NRXN1: variants seen among roughly 807,000 people sequenced by gnomAD.
NRXN1 encodes the protein neurexin-1.
Under a neutral mutation model 150.9 loss-of-function variants are expected in NRXN1, and 39 were observed. The ratio of observed to expected loss-of-function variants is 0.26; its 90% CI spans 0.20 to 0.34. NRXN1 has a LOEUF of 0.34. NRXN1 is among the 10% of genes least tolerant of loss of function. The pLI is 1.00. For synonymous variants in NRXN1, 924 were observed against 757.0 expected (o/e 1.22, Z -3.62); for missense variants, 1,815 against 1,949.9 (o/e 0.93, Z 1.30).
chr2:50,576,031 C>A (rs1358947920), intron 8 of NRXN1, among the ~76,000 whole-genome samples: 10 of 152,126 alleles, frequency 6.6e-5, no homozygotes, highest in Non-Finnish European at 1.3e-4. Flanking sequence ...GTGAAAAAGA[C>A]AGCAGGGAGG....
chr2:50,403,262 G>C (rs1401452970), intron 17 of NRXN1, among the ~76,000 whole-genome samples: 2 of 152,110 alleles, frequency 1.3e-5, no homozygotes, highest in African/African-American at 4.8e-5. Flanking sequence ...AGATTAAGGT[G>C]CTCCTTGTTT....
At chr2:50,146,671 A>G (rs928186762) in intron 18 of NRXN1, among the ~76,000 whole-genome samples, 3 of 151,714 alleles carry the variant, frequency 2.0e-5, no homozygotes, top group African/African-American at 7.2e-5. Context: ...TATTATACTT[A>G]GGCTAAAAAA....
chr2:50,230,591 T>C (rs2064846815), intron 18 of NRXN1, among the ~76,000 whole-genome samples: 1 of 151,934 alleles, frequency 6.6e-6, no homozygotes, highest in African/African-American at 2.4e-5. Flanking sequence ...AGCCTCTAAG[T>C]GGTAAGTATG....
intron 18 of NRXN1, among the ~76,000 whole-genome samples, chr2:50,158,251 C>A (rs1374384717): frequency 6.6e-6 from 1 of 151,620 alleles, no homozygotes; most frequent in Non-Finnish European, 1.5e-5. Flanking sequence ...GTGGAGCGTT[C>A]ATCAGAGCCC....
intron 21 of NRXN1, among the ~76,000 whole-genome samples, chr2:50,037,011 A>G (rs1335878990): frequency 1.3e-5 from 2 of 152,220 alleles, no homozygotes; most frequent in African/African-American, 4.8e-5. Flanking sequence ...TGCCATTTTA[A>G]GCAACTAAGT....
At chr2:49,926,718 G>C (rs1390474724) in intron 22 of NRXN1, among the ~76,000 whole-genome samples, 2 of 152,130 alleles carry the variant, frequency 1.3e-5, no homozygotes, top group Admixed American at 1.3e-4. Flanking sequence ...ACAACAACAG[G>C]AAAGGAAATC....
At chr2:50,362,229 A>G (rs959533767) in intron 17 of NRXN1, among the ~76,000 whole-genome samples, 2 of 152,178 alleles carry the variant, frequency 1.3e-5, no homozygotes, top group African/African-American at 4.8e-5. Context: ...TATTCAACAT[A>G]TTATTGGAAG....
intron 21 of NRXN1, among the ~76,000 whole-genome samples, chr2:49,987,225 G>C (rs1319617368): frequency 6.6e-6 from 1 of 151,728 alleles, no homozygotes; most frequent in African/African-American, 2.4e-5. Flanking sequence ...ATTTCAATGA[G>C]CTAAATTTCT....
intron 2 of NRXN1, among the ~76,000 whole-genome samples, chr2:50,951,689 T>C (rs1209544122): frequency 2.0e-5 from 3 of 152,030 alleles, no homozygotes; most frequent in Non-Finnish European, 2.9e-5. Flanking sequence ...TAGCTTCATA[T>C]TCATGCTTCT....
chr2:50,165,792 T>C (rs979050692), intron 18 of NRXN1, among the ~76,000 whole-genome samples: 9 of 152,136 alleles, frequency 5.9e-5, no homozygotes, highest in Non-Finnish European at 1.2e-4. Context: ...GATTACACTA[T>C]GCAAACAATG....
At chr2:50,821,713 T>A (rs1279605399) in intron 5 of NRXN1, among the ~76,000 whole-genome samples, 2 of 152,068 alleles carry the variant, frequency 1.3e-5, no homozygotes, top group Non-Finnish European at 2.9e-5. Context: ...AAATTCATAA[T>A]AAGGTAATGT....
intron 2 of NRXN1, among the ~76,000 whole-genome samples, chr2:51,010,894 C>T (rs1370714478): frequency 6.6e-6 from 1 of 151,668 alleles, no homozygotes; most frequent in Non-Finnish European, 1.5e-5. Flanking sequence ...AAGCAATCTA[C>T]CTCAGCCTCA....
chr2:51,023,953 A>C (rs1387350465), intron 2 of NRXN1, among the ~76,000 whole-genome samples: 1 of 151,858 alleles, frequency 6.6e-6, no homozygotes, highest in Non-Finnish European at 1.5e-5. Context: ...GAGAACATGC[A>C]AAAAAAAGTG....
At chr2:50,056,368 A>G (rs1404437127) in intron 19 of NRXN1, among the ~76,000 whole-genome samples, 1 of 152,120 alleles carries the variant, frequency 6.6e-6, no homozygotes, top group Non-Finnish European at 1.5e-5. Flanking sequence ...TATCTTTTAG[A>G]CCTCATCAAT....
At chr2:50,750,487 A>C (rs1319079977) in intron 5 of NRXN1, among the ~76,000 whole-genome samples, 1 of 152,048 alleles carries the variant, frequency 6.6e-6, no homozygotes, top group Non-Finnish European at 1.5e-5. Flanking sequence ...AAAGAACCTA[A>C]TGCAAATGAT....
intron 22 of NRXN1, among the ~76,000 whole-genome samples, chr2:49,942,769 C>T (rs1181736082): frequency 6.6e-6 from 1 of 152,056 alleles, no homozygotes; most frequent in Non-Finnish European, 1.5e-5. Flanking sequence ...AGCACCACAC[C>T]TGGCTGATTT....
At chr2:51,026,649 A>G (rs1258507384) in intron 2 of NRXN1, among the ~76,000 whole-genome samples, 1 of 152,206 alleles carries the variant, frequency 6.6e-6, no homozygotes, top group African/African-American at 2.4e-5. Context: ...ATTAGTCTGC[A>G]GAAGCTTCCC....
chr2:50,241,574 A>T (rs2066003363), intron 17 of NRXN1, among the ~76,000 whole-genome samples: 1 of 151,804 alleles, frequency 6.6e-6, no homozygotes, highest in African/African-American at 2.4e-5. Context: ...CTGTGCAGCA[A>T]GCCTCTATTA....
At chr2:50,143,606 A>G (rs2152762883) in intron 18 of NRXN1, among the ~76,000 whole-genome samples, 1 of 152,138 alleles carries the variant, frequency 6.6e-6, no homozygotes, top group Non-Finnish European at 1.5e-5. Flanking sequence ...CTTCCTTTAA[A>G]AAGCTCCCAT....
Sources: allele counts gnomAD v4.1 joint callset (sites outside exome capture counted in the v4.1 genomes callset), GRCh38; gene constraint gnomAD v4.1.1; transcripts MANE v1.5; gene names NCBI Gene and HGNC (gene_info 2026-07-23, HGNC 2026-07-21).